The following KAT6B variants were observed in gnomAD, a reference collection of about 807,000 sequenced individuals.
KAT6B encodes the protein lysine acetyltransferase 6B.
In KAT6B, 10 loss-of-function variants were observed where a neutral mutation model predicts 187.5. The observed-to-expected ratio is 0.05, with a 90% CI of 0.03 to 0.09. The LOEUF is 0.09. Among genes scored for constraint, KAT6B ranks in the 10% least tolerant of loss-of-function variants. The pLI, the probability that KAT6B is intolerant of heterozygous loss-of-function variation, is 1.00. For missense variants in KAT6B, 1,952 were observed against 2,558.9 expected, an observed-to-expected ratio of 0.76 and a Z score of 5.12; for synonymous variants, 861 against 926.8, an observed-to-expected ratio of 0.93 and a Z score of 1.29.
chr10:74,989,014 C>T lies in KAT6B; in HGVS notation c.2536-5C>T, dbSNP rs779961370. On this transcript the variant is annotated splice_polypyrimidine_tract_variant and splice_region_variant and intron_variant, in intron 12 of 17. Coordinates refer to ENST00000287239, the MANE Select transcript of KAT6B (RefSeq NM_012330.4). The stretch of plus-strand genomic sequence containing the variant: ...ACATACTTGATCTGTTTCTCCTTCC[C>T]TCAGGAAAAGCTTTGCCAGCAGAAG... The T allele has an allele frequency of 6.2e-7, 1 of 1,606,750 alleles. No homozygotes were observed. The highest frequency in any genetic ancestry group is 1.3e-5 in the African/African-American group (1 of 74,872).
At chr10:74,980,537 T>G (rs1842443674) in intron 10 of KAT6B, among the ~76,000 whole-genome samples, 1 of 152,246 alleles carries the variant, frequency 6.6e-6, no homozygotes, top group Non-Finnish European at 1.5e-5. Flanking sequence ...TTTAAAAGAC[T>G]ATGAGCTTTA....
chr10:74,980,567 A>T (rs1842445993), intron 10 of KAT6B, among the ~76,000 whole-genome samples: 1 of 152,236 alleles, frequency 6.6e-6, no homozygotes, highest in Non-Finnish European at 1.5e-5. Context: ...GGTAATGATA[A>T]GCCATGTGCT....
chr10:74,944,487 G>A (rs1180629820), intron 3 of KAT6B, among the ~76,000 whole-genome samples: 2 of 152,178 alleles, frequency 1.3e-5, no homozygotes, highest in East Asian at 1.9e-4. Flanking sequence ...TGGCCATTAA[G>A]CACATGAACA....
Position 75,020,723 on chromosome 10 carries a change from T to C in KAT6B, c.2771T>C (p.Ile924Thr). 1 of 1,613,916 alleles carries C rather than the reference T, an allele frequency of 6.2e-7. No individual in the cohort carries two copies. Among genetic ancestry groups the C allele is most frequent in the Non-Finnish European group, 8.5e-7 (1 of 1,179,956 alleles). Residue 924 changes from isoleucine (I) to threonine (T), a missense_variant, in exon 14 of 18, where the codon ATC (isoleucine) becomes ACC (threonine). Coordinates refer to ENST00000287239, the MANE Select transcript of KAT6B (RefSeq NM_012330.4). Reference protein sequence around the residue: ...LYHHHERHISIKAISRATGMC... With the variant: ...LYHHHERHISTKAISRATGMC... ...CACCACCATGAGAGGCACATCAGCATCAAGGCAATTAGCAGAGCGACGGGC... is the reference window on the plus strand; with the variant it reads ...CACCACCATGAGAGGCACATCAGCACCAAGGCAATTAGCAGAGCGACGGGC...
chr10:74,993,505 C>T (rs1422757586), intron 13 of KAT6B, among the ~76,000 whole-genome samples: 1 of 152,106 alleles, frequency 6.6e-6, no homozygotes, highest in African/African-American at 2.4e-5. Context: ...CAAAGATGCT[C>T]TCATATATAG....
At chr10:74,835,599 A>G (rs1841238146) in intron 1 of KAT6B, among the ~76,000 whole-genome samples, 2 of 152,182 alleles carry the variant, frequency 1.3e-5, no homozygotes, top group African/African-American at 2.4e-5. Context: ...GGGCTTTGGC[A>G]TCTGAATTAA....
intron 13 of KAT6B, among the ~76,000 whole-genome samples, chr10:75,004,120 T>C (rs1844044574): frequency 6.6e-6 from 1 of 152,104 alleles, no homozygotes. Flanking sequence ...GGCATTTGCA[T>C]TGAGTTATTT....
chr10:74,960,182 A>G lies in KAT6B; in HGVS notation c.730+104A>G, dbSNP rs554900326. ...CTGTATTGTTATTTAAGGCAGTTAT[A>G]TGGTAATAGCATAGGCTTTAAATTT... On this transcript the variant is annotated intron_variant, in intron 4 of 17. Transcript: ENST00000287239. 2.0e-5 allele frequency: 17 copies of G among 834,252 alleles called. No individual in the cohort carries two copies. In the East Asian group the frequency reaches 3.7e-4, roughly 18 times the overall value. 51.7% of individuals were successfully genotyped at this position (834,252 alleles called of 1,614,324 possible).
intron 3 of KAT6B, among the ~76,000 whole-genome samples, chr10:74,886,907 C>T (rs1340563521): frequency 2.0e-5 from 3 of 152,094 alleles, no homozygotes; most frequent in African/African-American, 7.2e-5. Context: ...TCCTGAGGGC[C>T]TGATACGTGA....
intron 1 of KAT6B, among the ~76,000 whole-genome samples, chr10:74,831,223 T>A (rs1488461689): frequency 3.9e-5 from 6 of 152,210 alleles, no homozygotes; most frequent in Admixed American, 1.3e-4. Context: ...TTACTGTGAA[T>A]ACAAGTCCTT....
chr10:74,912,922 G>T (rs1461578515), intron 3 of KAT6B, among the ~76,000 whole-genome samples: 1 of 152,196 alleles, frequency 6.6e-6, no homozygotes, highest in Admixed American at 6.5e-5. Context: ...CTGTCATCTT[G>T]TGAAAGCAGA....
Position 74,842,993 on chromosome 10 carries a change from A to G in KAT6B, c.136A>G (p.Thr46Ala). The G allele has an allele frequency of 1.2e-6, 2 of 1,614,214 alleles. No homozygotes were observed. The highest frequency in any genetic ancestry group is 8.5e-7 in the Non-Finnish European group (1 of 1,180,044). Reference sequence around the variant, plus strand: ...TACTTCCCATGGGTTGGATAAGAAGACAGTCTCTGAACAGCTGGAACTCAG... The same window carrying G: ...TACTTCCCATGGGTTGGATAAGAAGGCAGTCTCTGAACAGCTGGAACTCAG... ...VSTSHGLDKK[T>A]VSEQLELSVQ... Residue 46 changes from threonine to alanine, a missense_variant, in exon 3 of 18, where the codon ACA becomes GCA. Thr to Ala is a moderately conservative substitution (Grantham distance 58, BLOSUM62 0). Coordinates refer to ENST00000287239, the MANE Select transcript of KAT6B (RefSeq NM_012330.4).
intron 3 of KAT6B, among the ~76,000 whole-genome samples, chr10:74,936,704 T>C (rs1335480120): frequency 6.6e-6 from 1 of 152,202 alleles, no homozygotes. Flanking sequence ...TATTGGAGCA[T>C]CCAGGAGTGT....
intron 3 of KAT6B, among the ~76,000 whole-genome samples, chr10:74,906,305 C>T (rs1846754483): frequency 6.6e-6 from 1 of 152,056 alleles, no homozygotes; most frequent in African/African-American, 2.4e-5. Flanking sequence ...GAGGCTGAGG[C>T]AGGATAATTG....
chr10:74,978,793 G>C (rs186781000), intron 9 of KAT6B, among the ~76,000 whole-genome samples: 1 of 152,312 alleles, frequency 6.6e-6, no homozygotes, highest in Admixed American at 6.5e-5. Context: ...CTTCGTGGAG[G>C]AATAGGAAAC....
chr10:74,982,722 T>C (rs977365238), intron 11 of KAT6B: 2 of 152,560 alleles, frequency 1.3e-5, no homozygotes, highest in African/African-American at 4.8e-5. Flanking sequence ...TTCTGTTGTC[T>C]GCTGCATTTT....
chr10:74,969,757 A>T lies in KAT6B; in HGVS notation c.828A>T (p.Arg276Ser). The change falls in exon 5 of 18, where the codon AGA becomes AGT. Residue 276 changes from arginine (R) to serine (S), a missense_variant. Transcript: ENST00000287239. ...AATGCAAGACATGCAGTGCCTGTAGAGTCCAAGGCAGAAATGCTGTAAGTA... is the reference window on the plus strand; with the variant it reads ...AATGCAAGACATGCAGTGCCTGTAGTGTCCAAGGCAGAAATGCTGTAAGTA... ...CIECKTCSACRVQGRNADNML... is the reference protein window; with the variant it reads ...CIECKTCSACSVQGRNADNML... 6.2e-7 allele frequency: 1 copy of T among 1,611,506 alleles called. No homozygotes were observed. The highest frequency in any genetic ancestry group is 1.1e-5 in the South Asian group (1 of 91,022).
At chr10:74,910,695 A>G (rs1847140385) in intron 3 of KAT6B, among the ~76,000 whole-genome samples, 1 of 151,922 alleles carries the variant, frequency 6.6e-6, no homozygotes, top group African/African-American at 2.4e-5. Context: ...ATCATGGACT[A>G]CAGATCTGCA....
intron 13 of KAT6B, among the ~76,000 whole-genome samples, chr10:75,016,144 A>G (rs765552595): frequency 6.6e-6 from 1 of 152,242 alleles, no homozygotes; most frequent in Non-Finnish European, 1.5e-5. Flanking sequence ...GACCTTGTCT[A>G]GATAGTTCCT....
Sources: allele counts gnomAD v4.1 joint callset (sites outside exome capture counted in the v4.1 genomes callset), GRCh38; gene constraint gnomAD v4.1.1; transcripts MANE v1.5; gene names NCBI Gene and HGNC (gene_info 2026-07-23, HGNC 2026-07-21).